The following PRKCQ variants were observed in gnomAD, a reference collection of about 807,000 sequenced individuals.
PRKCQ encodes protein kinase C theta type.
A neutral mutation model predicts 91.2 loss-of-function variants in PRKCQ; 41 were observed. The observed-to-expected ratio is 0.45, with a 90% CI of 0.35 to 0.58. PRKCQ has a LOEUF of 0.58. PRKCQ is among the 20% of genes least tolerant of loss of function. The pLI is 0.00. For missense variants in PRKCQ, 673 were observed against 896.5 expected, an observed-to-expected ratio of 0.75 and a Z score of 3.18; for synonymous variants, 307 against 316.9, an observed-to-expected ratio of 0.97 and a Z score of 0.33.
chr10:6,501,534 G>A (rs1027537634), intron 4 of PRKCQ, among the ~76,000 whole-genome samples: 5 of 151,880 alleles, frequency 3.3e-5, no homozygotes, highest in Admixed American at 6.6e-5. Context: ...CAGAAGACAG[G>A]GTCTCGGCTG....
chr10:6,415,215 G>A, the PRKCQ span, among the ~76,000 whole-genome samples: 4 of 151,196 alleles, frequency 2.6e-5, no homozygotes, highest in African/African-American at 7.3e-5. Flanking sequence ...CACCCGCCTC[G>A]GCCTCCCAAA....
chr10:6,452,078 G>C (rs1834722182), intron 15 of PRKCQ, among the ~76,000 whole-genome samples: 1 of 152,032 alleles, frequency 6.6e-6, no homozygotes, highest in African/African-American at 2.4e-5. Context: ...TCTGGCCAGG[G>C]CAATTAGGCA....
At chr10:6,415,519 A>C in the PRKCQ span, among the ~76,000 whole-genome samples, 5 of 147,394 alleles carry the variant, frequency 3.4e-5, no homozygotes, top group African/African-American at 1.3e-4. Flanking sequence ...AGAACTTTCT[A>C]ATTTAGCTTA....
chr10:6,498,424 A>G lies in PRKCQ; in HGVS notation c.514T>C (p.Phe172Leu). The G allele has an allele frequency of 1.2e-6, 2 of 1,614,156 alleles. No homozygotes were observed. Among genetic ancestry groups the G allele is most frequent in the Non-Finnish European group, 1.7e-6 (2 of 1,180,020 alleles). ...ACAAACTCGTGGCAGACAGAGCAAA[A>G]TGTGGGCTGTGGGAAGAAGGTGGCA... ...FTATFFPQPT[F>L]CSVCHEFVWG... is the part of the protein sequence containing the mutation. Residue 172 changes from phenylalanine to leucine, a missense_variant, in exon 5 of 18, where the codon TTT becomes CTT. By Grantham distance (22) the Phe-to-Leu change is conservative (BLOSUM62 0). Coordinates refer to ENST00000263125, the MANE Select transcript of PRKCQ (RefSeq NM_006257.5).
intron 12 of PRKCQ, among the ~76,000 whole-genome samples, chr10:6,473,537 C>T (rs1836106563): frequency 6.6e-6 from 1 of 152,206 alleles, no homozygotes; most frequent in African/African-American, 2.4e-5. Context: ...CAGAACGCCG[C>T]CAGAGGACGT....
rs375868546 is a variant in PRKCQ, at chr10:6,515,094, G to A, written c.42C>T (p.Cys14=). The A allele has an allele frequency of 2.7e-5, 44 of 1,613,662 alleles. 1 individual carries two copies. Among genetic ancestry groups the A allele is most frequent in the South Asian group, 8.8e-5 (8 of 91,036 alleles). ...CGCCCTGACAAGACTGGCAGGACCC[G>A]CAGTCAAAGTTGGACAAGCCAATCC... is the stretch of plus-strand genomic sequence containing the variant. ...FLRIGLSNFD[C]GSCQSCQGEA... The change falls in exon 2 of 18, where the codon TGC becomes TGT. Residue 14 remains cysteine (C), a synonymous_variant. Transcript: ENST00000263125.
intron 9 of PRKCQ, 61 bp downstream of exon 9, chr10:6,485,974 G>C: frequency 7.1e-7 from 1 of 1,399,732 alleles, no homozygotes; most frequent in Non-Finnish European, 1.0e-6. Context: ...AGCAGCAGAA[G>C]TGCATGGACA....
intron 1 of PRKCQ, among the ~76,000 whole-genome samples, chr10:6,527,668 C>T (rs1033011881): frequency 1.3e-5 from 2 of 152,158 alleles, no homozygotes; most frequent in South Asian, 2.1e-4. Context: ...CAGGAGACAG[C>T]GGTCACTTCA....
chr10:6,449,640 C>T (rs1038214636), intron 15 of PRKCQ, among the ~76,000 whole-genome samples: 1 of 151,874 alleles, frequency 6.6e-6, no homozygotes, highest in African/African-American at 2.4e-5. Context: ...GTCAGATTCA[C>T]CAAAGTTGAA....
chr10:6,526,040 G>C (rs1165587869), intron 1 of PRKCQ, among the ~76,000 whole-genome samples: 2 of 152,210 alleles, frequency 1.3e-5, no homozygotes, highest in African/African-American at 2.4e-5. Context: ...TACGTGCATT[G>C]CACAGATTAA....
At chr10:6,569,515 G>A (rs1840956808) in intron 1 of PRKCQ, among the ~76,000 whole-genome samples, 1 of 152,138 alleles carries the variant, frequency 6.6e-6, no homozygotes, top group Non-Finnish European at 1.5e-5. Context: ...AGCCTTTGGA[G>A]AACTTAAGAG....
the PRKCQ span, among the ~76,000 whole-genome samples, chr10:6,402,531 G>A: frequency 4.6e-5 from 7 of 152,192 alleles, no homozygotes; most frequent in African/African-American, 7.2e-5. Flanking sequence ...CAACTTCTCC[G>A]TGTACCCAAA....
At chr10:6,419,262 C>A in the PRKCQ span, among the ~76,000 whole-genome samples, 1 of 151,870 alleles carries the variant, frequency 6.6e-6, no homozygotes, top group African/African-American at 2.4e-5. Flanking sequence ...TATGTGTATA[C>A]GTGTGTGTAC....
At chr10:6,478,258 A>G (rs574231802) in intron 12 of PRKCQ, among the ~76,000 whole-genome samples, 4 of 152,330 alleles carry the variant, frequency 2.6e-5, no homozygotes, top group Admixed American at 2.6e-4. Context: ...CACTGCAGAG[A>G]GAATCTATAG....
the PRKCQ span, among the ~76,000 whole-genome samples, chr10:6,401,234 T>C: frequency 3.9e-5 from 6 of 152,188 alleles, no homozygotes; most frequent in Admixed American, 3.3e-4. Flanking sequence ...CGGAAAACAT[T>C]GCAACCTGCC....
chr10:6,443,603 C>T (rs1204139459), intron 15 of PRKCQ, among the ~76,000 whole-genome samples: 2 of 152,146 alleles, frequency 1.3e-5, no homozygotes, highest in Non-Finnish European at 1.5e-5. Context: ...AACGTAAACA[C>T]GTTGAACTCA....
rs760035656 is a variant in PRKCQ at position 6,483,534 on chromosome 10, G to A, written c.1085C>T (p.Pro362Leu). 1.6e-5 allele frequency: 26 copies of A among 1,614,054 alleles called. No homozygotes were observed. The South Asian group carries it at 1.8e-4, about 11-fold the overall frequency. ...EVDKMCHLPE[P>L]ELNKERPSLQ... ...AGATGGTCTTTCTTTGTTCAGTTCA[G>A]GTTCTGGAAGATGGCACATTTTATC... is the stretch of plus-strand genomic sequence containing the variant. Residue 362 changes from proline (P) to leucine (L), a missense_variant, in exon 11 of 18, where the codon CCT (proline) becomes CTT (leucine). Coordinates refer to ENST00000263125, the MANE Select transcript of PRKCQ (RefSeq NM_006257.5).
chr10:6,519,650 C>T (rs1045214436), intron 1 of PRKCQ, among the ~76,000 whole-genome samples: 1 of 152,158 alleles, frequency 6.6e-6, no homozygotes, highest in African/African-American at 2.4e-5. Flanking sequence ...CTTACAGGTG[C>T]TGCACACTAA....
At chr10:6,518,627 T>C (rs534922733) in intron 1 of PRKCQ, among the ~76,000 whole-genome samples, 1 of 152,050 alleles carries the variant, frequency 6.6e-6, no homozygotes, top group Non-Finnish European at 1.5e-5. Flanking sequence ...TTCCAGACCA[T>C]CCTGGCCAAC....
Sources: gnomAD v4.1 joint callset for allele counts (sites outside exome capture counted in the v4.1 genomes callset) on GRCh38, gnomAD v4.1.1 for gene constraint, MANE v1.5 for transcripts, NCBI Gene and HGNC (gene_info 2026-07-23, HGNC 2026-07-21) for gene names.